Variants in GLIS3 observed in about 807,000 individuals in gnomAD.
The protein encoded by GLIS3 is zinc finger protein GLIS3.
A neutral mutation model predicts 78.6 loss-of-function variants in GLIS3; 53 were observed. That is an observed-to-expected ratio of 0.67 (90% CI 0.54 to 0.85). GLIS3 has a LOEUF of 0.85. Ranked by LOEUF, GLIS3 falls within the 40% of genes least tolerant of loss-of-function variation. The probability of loss-of-function intolerance (pLI) is 0.00; values close to 1 mark genes in which losing one functional copy is unlikely to be tolerated. For missense variants in GLIS3, 1,703 were observed against 1,231.1 expected, an observed-to-expected ratio of 1.38 and a Z score of -5.74; for synonymous variants, 684 against 509.9, an observed-to-expected ratio of 1.34 and a Z score of -4.60.
At chr9:4,155,340 C>T (rs1412556399) in intron 2 of GLIS3, among the ~76,000 whole-genome samples, 3 of 152,176 alleles carry the variant, frequency 2.0e-5, no homozygotes, top group Non-Finnish European at 2.9e-5. Flanking sequence ...GTGGATTACA[C>T]CTGGAACCAC....
chr9:4,303,156 T>C (rs947320593), upstream of GLIS3, among the ~76,000 whole-genome samples: 3 of 151,920 alleles, frequency 2.0e-5, no homozygotes, highest in East Asian at 5.8e-4. Flanking sequence ...AGAACTATGA[T>C]CAGATTCCTC....
intron 2 of GLIS3, among the ~76,000 whole-genome samples, chr9:4,324,100 C>T (rs1370297095): frequency 6.6e-6 from 1 of 152,168 alleles, no homozygotes; most frequent in Non-Finnish European, 1.5e-5. Flanking sequence ...CCATCTCAAC[C>T]CTATGTAACT....
At chr9:3,942,521 C>A (rs16920099) in intron 4 of GLIS3, among the ~76,000 whole-genome samples, 24,762 of 152,152 alleles carry the variant, frequency 0.16, 2,038 homozygotes, top group Middle Eastern at 0.24. Flanking sequence ...CAAGCACGTA[C>A]CTTCAAAAGC....
chr9:4,248,437 G>A (rs1563827545), intron 2 of GLIS3, among the ~76,000 whole-genome samples: 1 of 152,136 alleles, frequency 6.6e-6, no homozygotes, highest in East Asian at 1.9e-4. Context: ...TTTTATGGCT[G>A]CATAGTATTC....
At chr9:4,190,032 T>C (rs1208194483) in intron 2 of GLIS3, among the ~76,000 whole-genome samples, 2 of 152,014 alleles carry the variant, frequency 1.3e-5, no homozygotes, top group Admixed American at 6.6e-5. Flanking sequence ...AACCCATTGG[T>C]ACATCACCAT....
At chr9:3,957,880 C>A (rs1181154234) in intron 4 of GLIS3, among the ~76,000 whole-genome samples, 2 of 152,182 alleles carry the variant, frequency 1.3e-5, no homozygotes, top group African/African-American at 4.8e-5. Context: ...GCCTGAAATG[C>A]CCATGTTGCA....
chr9:4,386,492 G>A, the GLIS3 span: 9 of 151,956 alleles, frequency 5.9e-5, no homozygotes, highest in Non-Finnish European at 1.3e-4. Flanking sequence ...TCCAATTTTA[G>A]TATATGTGTT....
intron 8 of GLIS3, among the ~76,000 whole-genome samples, chr9:3,868,833 GT>G (rs1289586382): frequency 0.015 from 20 of 1,346 alleles, no homozygotes; most frequent in African/African-American, 0.052. Flanking sequence ...AACACTTGTT[GT>G]ACATAGTGTT....
At chr9:3,943,106 G>C (rs1202381677) in intron 4 of GLIS3, among the ~76,000 whole-genome samples, 1 of 152,126 alleles carries the variant, frequency 6.6e-6, no homozygotes, top group Non-Finnish European at 1.5e-5. Flanking sequence ...TCCTTCGATG[G>C]ACTTCGCATT....
intron 2 of GLIS3, among the ~76,000 whole-genome samples, chr9:4,221,466 T>G (rs563857198): frequency 6.6e-6 from 1 of 152,322 alleles, no homozygotes; most frequent in Admixed American, 6.5e-5. Flanking sequence ...GTCCATGAAT[T>G]AGCTGGAAAA....
At position 4,143,711 on chromosome 9, in the gene GLIS3, G is replaced by T. The variant is rs573161188; in HGVS notation, c.389-17770C>A. 2.6e-5 allele frequency among the ~76,000 whole-genome samples: 4 copies of T among 152,066 alleles called. No homozygotes were observed. The South Asian group carries it at 6.2e-4, about 24-fold the overall frequency. ...CATACACTGAAACTTCGTACTCTTT[G>T]ACCAATATCTCCCATTTTCCCCACC... is the stretch of plus-strand genomic sequence containing the variant. On this transcript the variant is annotated intron_variant, in intron 2 of 10. Transcript: ENST00000381971.
intron 4 of GLIS3, among the ~76,000 whole-genome samples, chr9:3,997,977 T>TA (rs1359045487): frequency 1.3e-5 from 2 of 152,182 alleles, no homozygotes; most frequent in African/African-American, 2.4e-5. Flanking sequence ...TTATCAGAAT[T>TA]AAGAGTTTGA....
At chr9:4,325,314 A>G (rs759402024) in intron 2 of GLIS3, among the ~76,000 whole-genome samples, 33 of 152,230 alleles carry the variant, frequency 2.2e-4, no homozygotes, top group African/African-American at 7.5e-4. Flanking sequence ...GAAACCACTT[A>G]AAAAGGGTAG....
At chr9:4,367,107 C>A in the GLIS3 span, among the ~76,000 whole-genome samples, 1 of 152,316 alleles carries the variant, frequency 6.6e-6, no homozygotes, top group East Asian at 1.9e-4. Flanking sequence ...TGACAAAAAT[C>A]ATATTACTCA....
the GLIS3 span, among the ~76,000 whole-genome samples, chr9:4,415,797 T>C: frequency 1.3e-5 from 2 of 151,008 alleles, no homozygotes; most frequent in Non-Finnish European, 1.5e-5. Context: ...AAATTTTAAC[T>C]TTTCTTTTTT....
At chr9:4,333,320 GGGGAA>G (rs1817712064) in intron 2 of GLIS3, among the ~76,000 whole-genome samples, 1 of 150,230 alleles carries the variant, frequency 6.7e-6, no homozygotes, top group South Asian at 2.1e-4. Context: ...AGGAAAGCAA[GGGGAA>G]GGGAAGGAAA....
At chr9:4,407,911 C>CG in the GLIS3 span, among the ~76,000 whole-genome samples, 1 of 151,692 alleles carries the variant, frequency 6.6e-6, no homozygotes, top group Non-Finnish European at 1.5e-5. Flanking sequence ...TCAAACAACT[C>CG]TAAGAGGAAA....
Position 4,118,409 on chromosome 9 carries a change from T to C in GLIS3, c.1069A>G (p.Ser357Gly), listed in dbSNP as rs777349240. The change falls in exon 4 of 11, where the codon AGC becomes GGC. Residue 357 changes from serine to glycine, a missense_variant. Physicochemically the swap from Ser to Gly is moderately conservative, Grantham distance 56 (BLOSUM62 0). Coordinates refer to ENST00000381971, the MANE Select transcript of GLIS3 (RefSeq NM_001042413.2). This position sits in a 1 kb window ranked among gnomAD's most constrained non-coding sequence, Gnocchi z 4.7. Reference protein sequence around the residue: ...VYGHFLGVRGSCIPQPRPVPG... With the variant: ...VYGHFLGVRGGCIPQPRPVPG... ...ACCGGGCGCGGCTGGGGAATGCAGC[T>C]GCCGCGCACGCCCAGGAAATGCCCG... is the stretch of plus-strand genomic sequence containing the variant. The C allele has an allele frequency of 6.2e-7, 1 of 1,607,612 alleles. No individual in the cohort carries two copies.
At chr9:4,342,770 C>T (rs1259402530) in intron 2 of GLIS3, among the ~76,000 whole-genome samples, 2 of 152,184 alleles carry the variant, frequency 1.3e-5, no homozygotes, top group African/African-American at 4.8e-5. Context: ...TCTCTGATTT[C>T]AGCAGTGTTT....
Sources: gnomAD v4.1 joint callset for allele counts (sites outside exome capture counted in the v4.1 genomes callset) on GRCh38, gnomAD v4.1.1 for gene constraint, Gnocchi (gnomAD v3.1) non-coding constraint, MANE v1.5 for transcripts, NCBI Gene and HGNC (gene_info 2026-07-23, HGNC 2026-07-21) for gene names.